Variants in ANKRD31 observed in about 807,000 individuals in gnomAD.
ANKRD31 encodes the protein ankyrin repeat domain-containing protein 31.
In ANKRD31, 147 loss-of-function variants were observed where a neutral mutation model predicts 186.0. The ratio of observed to expected loss-of-function variants is 0.79; its 90% CI spans 0.69 to 0.91. ANKRD31 has a LOEUF of 0.91. Ranked by LOEUF, ANKRD31 falls within the 40% of genes least tolerant of loss-of-function variation. The probability of loss-of-function intolerance (pLI) is 0.00; values close to 1 mark genes in which losing one functional copy is unlikely to be tolerated. For missense variants in ANKRD31, 1,986 were observed against 2,148.8 expected (o/e 0.92, Z 1.50); for synonymous variants, 673 against 736.4 (o/e 0.91, Z 1.39).
At position 75,230,593 on chromosome 5, in the gene ANKRD31, A is replaced by G; in HGVS notation, c.147T>C (p.Ser49=). The change falls in exon 2 of 26, where the codon AGT becomes AGC. Residue 49 remains serine, a synonymous_variant. Transcript: ENST00000506364. ...DQDASLKSEF[S]LHPDTRGMCK... is the part of the protein sequence containing the mutation. ...ACATTCCTCTTGTATCAGGATGCAG[A>G]CTGAACTCAGATTTAAGAGATGCGT... The G allele has an allele frequency of 6.5e-7, 1 of 1,537,006 alleles. No individual in the cohort carries two copies. Among genetic ancestry groups the G allele is most frequent in the Non-Finnish European group, 8.7e-7 (1 of 1,146,742 alleles).
Position 75,193,536 on chromosome 5 carries a change from G to C in ANKRD31, c.1073C>G (p.Thr358Ser). The change falls in exon 8 of 26, where the codon ACT becomes AGT. Residue 358 changes from threonine to serine, a missense_variant. Coordinates refer to ENST00000506364, the MANE Select transcript of ANKRD31 (RefSeq NM_001372053.1). ...GLQTLAHQNI[T>S]SCEPLSNKRN... ...CTTATTACTTAGTGGCTCACAAGAA[G>C]TGATATTTTGATGAGCCAAAGTTTG... 1 of 1,536,748 alleles carries C rather than the reference G, an allele frequency of 6.5e-7. No homozygotes were observed. The highest frequency in any genetic ancestry group is 1.4e-5 in the African/African-American group (1 of 73,142).
At chr5:75,123,041 C>T (rs946321198) in intron 17 of ANKRD31, among the ~76,000 whole-genome samples, 2 of 151,878 alleles carry the variant, frequency 1.3e-5, no homozygotes, top group Non-Finnish European at 2.9e-5. Context: ...CCTAGAAAAG[C>T]CTAAAGACTC....
chr5:75,138,013 A>AT lies in ANKRD31; in HGVS notation c.3734-16_3734-15insA. 7.2e-7 allele frequency: 1 copy of AT among 1,398,374 alleles called. No individual in the cohort carries two copies. Among genetic ancestry groups the AT allele is most frequent in the African/African-American group, 2.3e-5 (1 of 42,824 alleles). The allele number at this position is 1,398,374 out of a possible 1,614,324, so 86.6% of individuals were successfully genotyped here. The stretch of plus-strand genomic sequence containing the variant: ...TGGTGTCCAACCTAAAAAAAGAAAA[A>AT]GAAAAAAAAAAACCCTGCTTCATGC... On this transcript the variant is annotated splice_polypyrimidine_tract_variant and intron_variant, in intron 16 of 25. Coordinates refer to ENST00000506364, the MANE Select transcript of ANKRD31 (RefSeq NM_001372053.1).
At chr5:75,153,483 A>G (rs1402163550) in intron 12 of ANKRD31, among the ~76,000 whole-genome samples, 2 of 152,112 alleles carry the variant, frequency 1.3e-5, no homozygotes, top group African/African-American at 4.8e-5. Flanking sequence ...GGGGAGGCAT[A>G]TCTGAGGAAA....
At chr5:75,102,821 A>G (rs1415623321) in intron 22 of ANKRD31, among the ~76,000 whole-genome samples, 1 of 152,106 alleles carries the variant, frequency 6.6e-6, no homozygotes, top group Non-Finnish European at 1.5e-5. Flanking sequence ...TTTTCCAGGT[A>G]CCTTCTGCCA....
intron 25 of ANKRD31, among the ~76,000 whole-genome samples, chr5:75,078,017 C>A (rs1580276756): frequency 2.0e-5 from 3 of 150,920 alleles, no homozygotes; most frequent in Admixed American, 2.0e-4. Context: ...TGCCACATGG[C>A]AGACAATCAA....
At chr5:75,101,516 G>A (rs190112661) in intron 22 of ANKRD31, among the ~76,000 whole-genome samples, 19 of 152,306 alleles carry the variant, frequency 1.2e-4, no homozygotes, top group South Asian at 8.3e-4. Flanking sequence ...ATCCTGAAGA[G>A]TGTTTTCCAA....
chr5:75,148,734 G>A, intron 12 of ANKRD31, 106 bp from the exon 13 acceptor site: 1 of 680,340 alleles, frequency 1.5e-6, no homozygotes, highest in Non-Finnish European at 2.3e-6. Flanking sequence ...TGGAATAAGT[G>A]AAATTATGCA....
chr5:75,147,084 A>G lies in ANKRD31; in HGVS notation c.2327T>C (p.Leu776Pro), dbSNP rs1428405237. The change falls in exon 14 of 26, where the codon CTT becomes CCT. Residue 776 changes from leucine (L) to proline (P), a missense_variant. Leu to Pro is a moderately conservative substitution (Grantham distance 98). Transcript: ENST00000506364. ...QQHIPETHND[L>P]PEELCEPSSL... ...GGAAGGTTCACACAATTCTTCTGGA[A>G]GGTCATTATGAGTTTCTGGAATATG... 4 of 1,536,410 alleles carry G rather than the reference A, an allele frequency of 2.6e-6. No homozygotes were observed. Among genetic ancestry groups the G allele is most frequent in the Non-Finnish European group, 3.5e-6 (4 of 1,146,368 alleles).
At chr5:75,188,781 G>A in intron 9 of ANKRD31, 133 bp from the exon 10 acceptor site, 1 of 701,476 alleles carries the variant, frequency 1.4e-6, no homozygotes, top group Non-Finnish European at 2.3e-6. Context: ...CAATAGTGTA[G>A]AAGTGAAGTA....
At chr5:75,209,612 G>A (rs150099988) in intron 4 of ANKRD31, among the ~76,000 whole-genome samples, 132 of 151,826 alleles carry the variant, frequency 8.7e-4, no homozygotes, top group African/African-American at 2.6e-3. Flanking sequence ...GGCAGACAGA[G>A]GTTGCAGTGA....
At chr5:75,101,213 G>A (rs1361389412) in intron 22 of ANKRD31, among the ~76,000 whole-genome samples, 1 of 152,060 alleles carries the variant, frequency 6.6e-6, no homozygotes, top group Non-Finnish European at 1.5e-5. Flanking sequence ...TGAAATTCTG[G>A]GTTGAAAATT....
At chr5:75,152,573 C>T (rs868578835) in intron 12 of ANKRD31, among the ~76,000 whole-genome samples, 8 of 151,786 alleles carry the variant, frequency 5.3e-5, no homozygotes, top group African/African-American at 1.9e-4. Context: ...GGGAATGAAG[C>T]ACATATGGAT....
chr5:75,214,285 C>T (rs1012663436), intron 3 of ANKRD31, among the ~76,000 whole-genome samples: 16 of 152,086 alleles, frequency 1.1e-4, no homozygotes, highest in African/African-American at 3.4e-4. Flanking sequence ...TGCTAAAGCC[C>T]CATTTTCATC....
chr5:75,137,994 C>T lies in ANKRD31; in HGVS notation c.3738G>A (p.Trp1246Ter), dbSNP rs1383984221. 1 of 1,447,512 alleles carries T rather than the reference C, an allele frequency of 6.9e-7. No individual in the cohort carries two copies. The highest frequency in any genetic ancestry group is 2.5e-5 in the East Asian group (1 of 39,892). The allele number at this position is 1,447,512 out of a possible 1,614,324, so 89.7% of individuals were successfully genotyped here. A position where few individuals can be genotyped will look rare whatever the true frequency, so the allele number is the denominator to read the frequency against. ...ADVNLNDNAG[W>*]TPLHEASNEG... is the part of the protein sequence containing the mutation. ...CATTAGATGCCTCATGAAGTGGTGT[C>T]CAACCTAAAAAAAGAAAAAGAAAAA... is the stretch of plus-strand genomic sequence containing the variant. The change falls in exon 17 of 26, where the codon TGG (tryptophan) becomes TGA (stop). Residue 1246 changes from tryptophan to a stop codon, truncating the protein, a stop_gained. Transcript: ENST00000506364. LOFTEE classifies it high-confidence loss of function.
intron 25 of ANKRD31, 117 bp downstream of exon 25, chr5:75,080,451 T>G: frequency 3.5e-6 from 2 of 571,598 alleles, no homozygotes; most frequent in African/African-American, 1.9e-5. Context: ...CAGCAATTAT[T>G]TATAATATGG....
intron 3 of ANKRD31, among the ~76,000 whole-genome samples, chr5:75,221,817 C>T (rs1401459063): frequency 6.6e-6 from 1 of 152,040 alleles, no homozygotes; most frequent in Non-Finnish European, 1.5e-5. Context: ...TATGTTTTCT[C>T]CTCTTTATGA....
chr5:75,104,634 A>G lies in ANKRD31; in HGVS notation c.4925T>C (p.Leu1642Ser). 1 of 1,536,284 alleles carries G rather than the reference A, an allele frequency of 6.5e-7. No homozygotes were observed. Among genetic ancestry groups the G allele is most frequent in the Non-Finnish European group, 8.7e-7 (1 of 1,146,572 alleles). ...GACACTTGCAGTTTCTGAAATATTTAATTTGCCGATTACTGGGGAAGAAAC... is the reference window on the plus strand; with the variant it reads ...GACACTTGCAGTTTCTGAAATATTTGATTTGCCGATTACTGGGGAAGAAAC... ...FYVSSPVIGK[L>S]NISETASVLA... Residue 1642 changes from leucine to serine, a missense_variant, in exon 22 of 26, where the codon TTA (leucine) becomes TCA (serine). Coordinates refer to ENST00000506364, the MANE Select transcript of ANKRD31 (RefSeq NM_001372053.1).
chr5:75,147,545 G>A (rs185099318), intron 13 of ANKRD31, 40 bp from the exon 14 acceptor site: 57 of 1,238,894 alleles, frequency 4.6e-5, no homozygotes, highest in Middle Eastern at 5.4e-4. Flanking sequence ...AATTTTCAGC[G>A]GTAGTACTAT....
Sources: allele counts gnomAD v4.1 joint callset (sites outside exome capture counted in the v4.1 genomes callset), GRCh38; gene constraint gnomAD v4.1.1; transcripts MANE v1.5; gene names NCBI Gene and HGNC (gene_info 2026-07-23, HGNC 2026-07-21).